ZBTB16: variants seen among roughly 807,000 people sequenced by gnomAD.
The protein encoded by ZBTB16 is zinc finger and BTB domain containing 16, also known as zinc finger and BTB domain-containing protein 16.
ZBTB16 carries 8 observed loss-of-function variants against 56.8 expected under a neutral mutation model. The observed-to-expected ratio is 0.14, with a 90% CI of 0.08 to 0.25. The LOEUF (loss-of-function observed/expected upper bound fraction) is 0.25. Among genes scored for constraint, ZBTB16 ranks in the 10% least tolerant of loss-of-function variants. ZBTB16 has a pLI of 1.00. For missense variants in ZBTB16, 625 were observed against 903.0 expected, an observed-to-expected ratio of 0.69 and a Z score of 3.95; for synonymous variants, 363 against 368.5, an observed-to-expected ratio of 0.98 and a Z score of 0.17.
At chr11:114,140,970 A>G (rs980714640) in intron 2 of ZBTB16, among the ~76,000 whole-genome samples, 47 of 152,262 alleles carry the variant, frequency 3.1e-4, no homozygotes, top group African/African-American at 1.0e-3. Flanking sequence ...TTGTTTCAAG[A>G]AGGGCTTTGG....
rs1944908312 is a variant in ZBTB16 at position 114,250,989 on chromosome 11, CAGA to C, written c.*437_*439del. On this transcript the variant is annotated 3_prime_UTR_variant, in exon 7 of 7. Coordinates refer to ENST00000335953, the MANE Select transcript of ZBTB16 (RefSeq NM_006006.6). The surrounding 1 kb of genome is among the most constrained non-coding windows in gnomAD (Gnocchi z 6.0). ...AGATGAAGGGAGGGAGGAGGTGAGC[CAGA>C]AGGGCGCTCCCCTGCTGATGGGTCT... Among the ~76,000 whole-genome samples the C allele has an allele frequency of 6.6e-6, 1 of 152,108 alleles. No homozygotes were observed. The highest frequency in any genetic ancestry group is 1.5e-5 in the Non-Finnish European group (1 of 68,036).
chr11:114,084,347 T>A (rs923809486), intron 2 of ZBTB16, among the ~76,000 whole-genome samples: 4 of 152,162 alleles, frequency 2.6e-5, no homozygotes, highest in Non-Finnish European at 5.9e-5. Flanking sequence ...TTGGAGGCGG[T>A]GGCTTACATT....
rs147825767 is a variant in ZBTB16 at position 114,195,190 on chromosome 11, A to G, written c.1453+8152A>G. Among the ~76,000 whole-genome samples, 106 of 152,298 alleles carry G rather than the reference A, an allele frequency of 7.0e-4. 2 individuals are homozygous for G. The East Asian group carries it at 0.011, about 16-fold the overall frequency. ...GTGGTGTTAATTAGAGGGCAGCGAGATAACTTGGCTGCTGAGCTCCAGGGT... is the reference window on the plus strand; with the variant it reads ...GTGGTGTTAATTAGAGGGCAGCGAGGTAACTTGGCTGCTGAGCTCCAGGGT... On this transcript the variant is annotated intron_variant, in intron 4 of 6. Coordinates refer to ENST00000335953, the MANE Select transcript of ZBTB16 (RefSeq NM_006006.6).
At chr11:114,182,840 G>A (rs1035697625) in intron 3 of ZBTB16, among the ~76,000 whole-genome samples, 3 of 152,234 alleles carry the variant, frequency 2.0e-5, no homozygotes, top group African/African-American at 7.2e-5. Context: ...ACTGAAGGCA[G>A]CAGTGAACAA....
At chr11:114,062,295 G>A (rs1194673348) in intron 1 of ZBTB16, among the ~76,000 whole-genome samples, 1 of 151,960 alleles carries the variant, frequency 6.6e-6, no homozygotes, top group Admixed American at 6.6e-5. Context: ...TAGAGACGGG[G>A]CTTCTCCATG....
At chr11:114,202,758 T>C (rs1451425406) in intron 4 of ZBTB16, among the ~76,000 whole-genome samples, 1 of 151,466 alleles carries the variant, frequency 6.6e-6, no homozygotes, top group Admixed American at 6.6e-5. Context: ...AGCCCCGGGG[T>C]GAGGGGGCAG....
intron 4 of ZBTB16, among the ~76,000 whole-genome samples, chr11:114,192,056 G>A (rs910479299): frequency 9.2e-5 from 14 of 152,174 alleles, no homozygotes; most frequent in Non-Finnish European, 1.9e-4. Context: ...GCTCAGCTGG[G>A]TGGTTTTCAC....
At chr11:114,166,500 C>A (rs3782020) in intron 3 of ZBTB16, among the ~76,000 whole-genome samples, 19,276 of 151,900 alleles carry the variant, frequency 0.13, 1,869 homozygotes, top group African/African-American at 0.26. Flanking sequence ...AGCATGGGAA[C>A]AAAAAGAGAT....
intron 4 of ZBTB16, among the ~76,000 whole-genome samples, chr11:114,238,029 C>T (rs1312803939): frequency 1.3e-5 from 2 of 152,188 alleles, no homozygotes; most frequent in Non-Finnish European, 2.9e-5. Flanking sequence ...ATAGTGTTTC[C>T]TTTCCAGCTG....
At chr11:114,093,300 G>A (rs1940257918) in intron 2 of ZBTB16, among the ~76,000 whole-genome samples, 2 of 151,276 alleles carry the variant, frequency 1.3e-5, no homozygotes, top group Admixed American at 6.6e-5. Flanking sequence ...TGGGTGGTCT[G>A]TATTGTGGAG....
intron 2 of ZBTB16, among the ~76,000 whole-genome samples, chr11:114,134,272 G>T (rs1941742130): frequency 6.6e-6 from 1 of 152,084 alleles, no homozygotes; most frequent in Non-Finnish European, 1.5e-5. Flanking sequence ...GGCAGCTTTG[G>T]TTTGATCTCC....
At chr11:114,220,647 A>C (rs1944211082) in intron 4 of ZBTB16, among the ~76,000 whole-genome samples, 1 of 152,180 alleles carries the variant, frequency 6.6e-6, no homozygotes, top group African/African-American at 2.4e-5. Flanking sequence ...GTGCTGGTGG[A>C]TGCTTGATAG....
chr11:114,062,477 C>T (rs568258835), intron 1 of ZBTB16, among the ~76,000 whole-genome samples: 3 of 152,334 alleles, frequency 2.0e-5, no homozygotes, highest in African/African-American at 7.2e-5. Context: ...CATACAATAA[C>T]TTTGAGGCTT....
chr11:114,188,480 A>G (rs1014161820), intron 4 of ZBTB16: 1 of 152,262 alleles, frequency 6.6e-6, no homozygotes, highest in Non-Finnish European at 1.5e-5. Context: ...GTGGAGTAAT[A>G]TTAGTGTCTA....
intron 3 of ZBTB16, among the ~76,000 whole-genome samples, chr11:114,181,195 C>T (rs895909484): frequency 3.9e-5 from 6 of 152,210 alleles, no homozygotes; most frequent in African/African-American, 1.4e-4. Flanking sequence ...ATGAAGGGAG[C>T]TCTTTCTTTA....
chr11:114,095,428 T>G (rs60513959), intron 2 of ZBTB16, among the ~76,000 whole-genome samples: 13,829 of 151,682 alleles, frequency 0.091, 813 homozygotes, highest in East Asian at 0.13. Flanking sequence ...GCCCAGCTAA[T>G]TTTTTGTATA....
intron 3 of ZBTB16, among the ~76,000 whole-genome samples, chr11:114,177,103 T>C (rs1943135842): frequency 6.6e-6 from 1 of 152,254 alleles, no homozygotes; most frequent in Admixed American, 6.5e-5. Context: ...GAAATTATTC[T>C]ATAATCATGA....
At chr11:114,124,553 AAAC>A (rs1941439298) in intron 2 of ZBTB16, among the ~76,000 whole-genome samples, 2 of 137,972 alleles carry the variant, frequency 1.4e-5, no homozygotes, top group African/African-American at 5.6e-5. Flanking sequence ...ACAAAAAAAA[AAAC>A]CAAAAAAAAA....
intron 2 of ZBTB16, among the ~76,000 whole-genome samples, chr11:114,107,325 G>A (rs1042086578): frequency 1.3e-5 from 2 of 152,260 alleles, no homozygotes; most frequent in South Asian, 4.1e-4. Flanking sequence ...TTTAGACCTT[G>A]TAATGTGCAT....
Sources: allele counts gnomAD v4.1 joint callset (sites outside exome capture counted in the v4.1 genomes callset), GRCh38; gene constraint gnomAD v4.1.1; non-coding constraint Gnocchi (gnomAD v3.1); transcripts MANE v1.5; gene names NCBI Gene and HGNC (gene_info 2026-07-23, HGNC 2026-07-21).